The following GRIN2A variants were observed in gnomAD, a reference collection of about 807,000 sequenced individuals.
GRIN2A encodes glutamate ionotropic receptor NMDA type subunit 2A.
Under a neutral mutation model 113.4 loss-of-function variants are expected in GRIN2A, and 22 were observed. The ratio of observed to expected loss-of-function variants is 0.19; its 90% CI spans 0.14 to 0.28. GRIN2A has a LOEUF of 0.28. Among genes scored for constraint, GRIN2A ranks in the 10% least tolerant of loss-of-function variants. The pLI is 1.00. For synonymous variants in GRIN2A, 827 were observed against 738.4 expected (o/e 1.12, Z -1.94); for missense variants, 1,502 against 1,887.0 (o/e 0.80, Z 3.78).
intron 2 of GRIN2A, among the ~76,000 whole-genome samples, chr16:10,050,132 G>A (rs1187768998): frequency 6.6e-6 from 1 of 152,158 alleles, no homozygotes; most frequent in Non-Finnish European, 1.5e-5. Flanking sequence ...TCCCTGGTTT[G>A]GCCCAATGTA....
intron 2 of GRIN2A, among the ~76,000 whole-genome samples, chr16:10,178,140 A>T (rs1464254541): frequency 1.3e-5 from 2 of 152,218 alleles, no homozygotes; most frequent in African/African-American, 4.8e-5. Context: ...GGTAATATTT[A>T]AATCCCAAAA....
chr16:9,824,228 G>A (rs565284067), intron 9 of GRIN2A, among the ~76,000 whole-genome samples: 278 of 152,270 alleles, frequency 1.8e-3, no homozygotes, highest in African/African-American at 6.0e-3. Context: ...GAGTATGTGC[G>A]TCCACGTGTG....
At chr16:10,084,518 G>T (rs981359036) in intron 2 of GRIN2A, among the ~76,000 whole-genome samples, 1 of 152,078 alleles carries the variant, frequency 6.6e-6, no homozygotes, top group African/African-American at 2.4e-5. Flanking sequence ...GCAAGAAAAA[G>T]AAAGATGTAA....
At chr16:9,899,931 T>G (rs1031612206) in intron 3 of GRIN2A, among the ~76,000 whole-genome samples, 1 of 152,212 alleles carries the variant, frequency 6.6e-6, no homozygotes, top group Non-Finnish European at 1.5e-5. Flanking sequence ...GCTTTCAACC[T>G]CAGGTAAGTA....
chr16:10,101,835 G>C (rs1454887354), intron 2 of GRIN2A, among the ~76,000 whole-genome samples: 1 of 152,150 alleles, frequency 6.6e-6, no homozygotes. Flanking sequence ...GGAGGGAATG[G>C]TTATTGCTAT....
chr16:10,001,896 T>C (rs925570958), intron 2 of GRIN2A, among the ~76,000 whole-genome samples: 3 of 152,244 alleles, frequency 2.0e-5, no homozygotes, highest in African/African-American at 7.2e-5. Context: ...TCTCTTAGTT[T>C]CAGTTTACTC....
chr16:10,017,270 A>G (rs571097671), intron 2 of GRIN2A, among the ~76,000 whole-genome samples: 58 of 152,288 alleles, frequency 3.8e-4, no homozygotes, highest in African/African-American at 1.2e-3. Context: ...TAAGATAATC[A>G]TTACACGATT....
At chr16:10,039,802 G>GAGGGA (rs1555469289) in intron 2 of GRIN2A, among the ~76,000 whole-genome samples, 22 of 56,156 alleles carry the variant, frequency 3.9e-4, no homozygotes, top group Admixed American at 7.3e-4. Flanking sequence ...GGGAGGGGGA[G>GAGGGA]GGGGGGGAGA....
At chr16:9,774,456 G>A (rs1160804739) in intron 11 of GRIN2A, among the ~76,000 whole-genome samples, 1 of 152,136 alleles carries the variant, frequency 6.6e-6, no homozygotes, top group East Asian at 1.9e-4. Flanking sequence ...GCTTCCACAG[G>A]TACCGGCTCT....
chr16:9,788,860 A>G (rs1024820124), intron 11 of GRIN2A, among the ~76,000 whole-genome samples: 1 of 150,740 alleles, frequency 6.6e-6, no homozygotes, highest in Non-Finnish European at 1.5e-5. Flanking sequence ...CTCCTGCCTC[A>G]GCCTCCTGAG....
At chr16:9,880,901 C>A (rs969634438) in intron 4 of GRIN2A, among the ~76,000 whole-genome samples, 1 of 152,194 alleles carries the variant, frequency 6.6e-6, no homozygotes, top group Non-Finnish European at 1.5e-5. Context: ...TTTATGGCAC[C>A]TCACATGCTC....
chr16:10,169,722 T>C (rs1243800052), intron 2 of GRIN2A, among the ~76,000 whole-genome samples: 3 of 152,214 alleles, frequency 2.0e-5, no homozygotes, highest in Admixed American at 6.5e-5. Flanking sequence ...AAACTGAATG[T>C]CTTTAATGGT....
At chr16:9,824,971 G>C (rs1375445053) in intron 9 of GRIN2A, among the ~76,000 whole-genome samples, 1 of 152,110 alleles carries the variant, frequency 6.6e-6, no homozygotes, top group African/African-American at 2.4e-5. Flanking sequence ...CTTTCTCCCA[G>C]AGAGTTCCAC....
chr16:10,172,721 T>C (rs1206623485), intron 2 of GRIN2A, among the ~76,000 whole-genome samples: 1 of 152,226 alleles, frequency 6.6e-6, no homozygotes, highest in Non-Finnish European at 1.5e-5. Context: ...AGCATGAAGT[T>C]TGGATTTTCT....
In GRIN2A at chr16:9,794,089, G is replaced by A. The variant is rs79018726; in HGVS notation, c.2356+4188C>T. On this transcript the variant is annotated intron_variant, in intron 11 of 12. Coordinates refer to ENST00000330684, the MANE Select transcript of GRIN2A (RefSeq NM_001134407.3). Reference sequence around the variant, plus strand: ...ATGAGCATTGTTACTCCAGTACTGAGAGCCAAAGATGCCATGGTGCACTCT... The same window carrying A: ...ATGAGCATTGTTACTCCAGTACTGAAAGCCAAAGATGCCATGGTGCACTCT... Among the ~76,000 whole-genome samples, 1,417 of 152,312 alleles carry A rather than the reference G, an allele frequency of 9.3e-3. 10 individuals carry two copies. The highest frequency in any genetic ancestry group is 0.015 in the Non-Finnish European group (1,023 of 68,030).
Position 9,755,664 on chromosome 16 carries a change from A to AG in GRIN2A, c.*7484dup, listed in dbSNP as rs2141109535. 1.0e-5 allele frequency: 2 copies of AG among 198,996 alleles called. No homozygotes were observed. Among genetic ancestry groups the AG allele is most frequent in the South Asian group, 1.9e-4 (1 of 5,206 alleles). The allele number at this position is 198,996 out of a possible 1,614,324, so 12.3% of individuals were successfully genotyped here. A position where few individuals can be genotyped will look rare whatever the true frequency, so the allele number is the denominator to read the frequency against. On this transcript the variant is annotated 3_prime_UTR_variant, in exon 13 of 13. Coordinates refer to ENST00000330684, the MANE Select transcript of GRIN2A (RefSeq NM_001134407.3). ...AAGAAATGTGGCTTAGACCATGGAG[A>AG]GGGGGGAATGCAGGAAAGGCAGTGT...
At chr16:9,958,424 A>T (rs552511712) in intron 2 of GRIN2A, among the ~76,000 whole-genome samples, 1 of 152,192 alleles carries the variant, frequency 6.6e-6, no homozygotes, top group African/African-American at 2.4e-5. Context: ...GACCACACAG[A>T]CACATGCACA....
chr16:10,146,157 G>A (rs143139749), intron 2 of GRIN2A, among the ~76,000 whole-genome samples: 7 of 151,952 alleles, frequency 4.6e-5, no homozygotes, highest in African/African-American at 7.3e-5. Flanking sequence ...TCGCTCTGTC[G>A]CCCAGACTGG....
chr16:10,077,739 G>A (rs189226179), intron 2 of GRIN2A, among the ~76,000 whole-genome samples: 349 of 152,228 alleles, frequency 2.3e-3, no homozygotes, highest in African/African-American at 7.8e-3. Flanking sequence ...AAACACACTG[G>A]AAAACACCCC....
Sources: allele counts gnomAD v4.1 joint callset (sites outside exome capture counted in the v4.1 genomes callset), GRCh38; gene constraint gnomAD v4.1.1; transcripts MANE v1.5; gene names NCBI Gene and HGNC (gene_info 2026-07-23, HGNC 2026-07-21).